Variants in TMEM131 observed in about 807,000 individuals in gnomAD.
TMEM131 encodes the protein 2610524E03Rik.
A neutral mutation model predicts 211.6 loss-of-function variants in TMEM131; 66 were observed. The ratio of observed to expected loss-of-function variants is 0.31; its 90% CI spans 0.26 to 0.38. The LOEUF (loss-of-function observed/expected upper bound fraction) is 0.38. Ranked by LOEUF, TMEM131 falls within the 10% of genes least tolerant of loss-of-function variation. TMEM131 has a pLI of 1.00. For missense variants in TMEM131, 2,036 were observed against 2,299.3 expected (o/e 0.89, Z 2.34); for synonymous variants, 844 against 841.3 (o/e 1.00, Z -0.06).
intron 2 of TMEM131, among the ~76,000 whole-genome samples, chr2:97,918,596 A>G (rs778172560): frequency 6.6e-6 from 1 of 152,148 alleles, no homozygotes; most frequent in Non-Finnish European, 1.5e-5. Context: ...CAATTTCATT[A>G]ACAACAACAA....
chr2:97,955,533 A>G (rs973753133), intron 1 of TMEM131, among the ~76,000 whole-genome samples: 2 of 152,236 alleles, frequency 1.3e-5, no homozygotes, highest in Admixed American at 6.5e-5. Context: ...GATCGTTTAC[A>G]TGGAAAATCC....
Position 97,923,314 on chromosome 2 carries a change from G to GTTTT in TMEM131, c.249+4111_249+4112insAAAA, listed in dbSNP as rs1460123182. Among the ~76,000 whole-genome samples the GTTTT allele has an allele frequency of 6.2e-3, 940 of 151,482 alleles. 14 individuals carry two copies. The highest frequency in any genetic ancestry group is 0.02 in the African/African-American group (819 of 41,314). On this transcript the variant is annotated intron_variant, in intron 2 of 40. Coordinates refer to ENST00000186436, the MANE Select transcript of TMEM131 (RefSeq NM_015348.2). ...AATAAATAAAAATAAAATAAAACAG[G>GTTTT]ACTTTAAGTTTTAAAAGACAAAATT...
Position 97,811,167 on chromosome 2 carries a change from C to G in TMEM131, c.1929G>C (p.Gly643=). ...RVKLTAKKLE[G]IHDGAIQITT... is the part of the protein sequence containing the mutation. Reference sequence around the variant, plus strand: ...TGATCTGGATGGCTCCATCATGAATCCCCTCTAATTTTTTTGCAGTAAGTT... The same window carrying G: ...TGATCTGGATGGCTCCATCATGAATGCCCTCTAATTTTTTTGCAGTAAGTT... The change falls in exon 18 of 41, where the codon GGG becomes GGC. Residue 643 remains glycine, a synonymous_variant. Transcript: ENST00000186436. 6.2e-7 allele frequency: 1 copy of G among 1,613,740 alleles called. No homozygotes were observed. The highest frequency in any genetic ancestry group is 8.5e-7 in the Non-Finnish European group (1 of 1,179,750).
chr2:97,855,699 C>CA (rs36041076), intron 5 of TMEM131, among the ~76,000 whole-genome samples: 2,110 of 121,032 alleles, frequency 0.017, 94 homozygotes, highest in Admixed American at 0.1. Flanking sequence ...GACCCTGTCT[C>CA]AAAAAAAAAA....
intron 12 of TMEM131, 150 bp downstream of exon 12, chr2:97,818,463 C>CGGG (rs1184208506): frequency 1.9e-4 from 55 of 283,798 alleles, no homozygotes; most frequent in Middle Eastern, 9.8e-4. Context: ...TGGTTTACAG[C>CGGG]GGGGGGGGGC....
In TMEM131 at chr2:97,844,385, G is replaced by A. The variant is rs1447997477; in HGVS notation, c.484-124C>T. ...TTTCCTTTAAAAGTTTAAGCTTTAA[G>A]TTAGCAGTGGAAAATAATTAAAAAG... On this transcript the variant is annotated intron_variant, in intron 5 of 40. Transcript: ENST00000186436. The A allele has an allele frequency of 1.3e-5, 5 of 376,626 alleles. No homozygotes were observed. The East Asian group carries it at 1.6e-4, about 12-fold the overall frequency. The allele number at this position is 376,626 out of a possible 1,614,324, so 23.3% of individuals were successfully genotyped here.
At chr2:97,970,693 CAGAGA>C (rs1477533989) in intron 1 of TMEM131, among the ~76,000 whole-genome samples, 1 of 152,136 alleles carries the variant, frequency 6.6e-6, no homozygotes, top group African/African-American at 2.4e-5. Flanking sequence ...GGATTGTGGC[CAGAGA>C]AGAGTAACCA....
At chr2:97,863,503 A>C (rs1674149250) in intron 4 of TMEM131, among the ~76,000 whole-genome samples, 1 of 152,246 alleles carries the variant, frequency 6.6e-6, no homozygotes, top group South Asian at 2.1e-4. Context: ...CCTATTTGAC[A>C]AGGGATTAAT....
chr2:97,892,227 T>C (rs1406187619), intron 3 of TMEM131, among the ~76,000 whole-genome samples: 8 of 152,224 alleles, frequency 5.3e-5, no homozygotes, highest in Admixed American at 5.2e-4. Flanking sequence ...GTCTGTCTTA[T>C]TATTCAGTTG....
chr2:97,978,664 C>A (rs568045542), intron 1 of TMEM131, among the ~76,000 whole-genome samples: 3 of 152,176 alleles, frequency 2.0e-5, no homozygotes, highest in African/African-American at 7.2e-5. Flanking sequence ...CATACCCAGC[C>A]CAAGCTTCAC....
At chr2:97,919,041 T>C (rs750010212) in intron 2 of TMEM131, among the ~76,000 whole-genome samples, 2 of 152,206 alleles carry the variant, frequency 1.3e-5, no homozygotes, top group Non-Finnish European at 2.9e-5. Context: ...CCTTTCCATG[T>C]GGCTTAAGTT....
At chr2:97,771,800 T>C (rs1306129908) in intron 33 of TMEM131, among the ~76,000 whole-genome samples, 2 of 152,258 alleles carry the variant, frequency 1.3e-5, no homozygotes, top group African/African-American at 4.8e-5. Flanking sequence ...ACTGGAGTTA[T>C]TTAATGGTAG....
Position 97,766,191 on chromosome 2 carries a change from T to G in TMEM131, c.4646A>C (p.Asn1549Thr), listed in dbSNP as rs922303924. 6 of 1,613,948 alleles carry G rather than the reference T, an allele frequency of 3.7e-6. No individual in the cohort carries two copies. The highest frequency in any genetic ancestry group is 1.6e-4 in the Middle Eastern group (1 of 6,084). Residue 1549 changes from asparagine to threonine, a missense_variant, in exon 35 of 41, where the codon AAC becomes ACC. By Grantham distance (65) the Asn-to-Thr change is moderately conservative. This residue lies in a region of TMEM131 where 1,623 missense variants were observed against 1,805.9 expected (regional missense o/e 0.90). Transcript: ENST00000186436. ...TTTTTCACCCTCTGAGCTACTGGTG[T>G]TGCCTAATTCTTGACTATTCGGGAG... ...KFLPNSQELG[N>T]TSSSEGEKDS...
intron 1 of TMEM131, among the ~76,000 whole-genome samples, chr2:97,991,931 TAGAA>T (rs1344335138): frequency 6.6e-6 from 1 of 152,150 alleles, no homozygotes; most frequent in Non-Finnish European, 1.5e-5. Flanking sequence ...CTGTAAGAAT[TAGAA>T]GGAGGAGGAA....
intron 4 of TMEM131, among the ~76,000 whole-genome samples, chr2:97,885,861 A>T (rs1458725835): frequency 6.6e-6 from 1 of 152,182 alleles, no homozygotes; most frequent in Non-Finnish European, 1.5e-5. Flanking sequence ...TTCATTAAGT[A>T]TGTTTTCTAA....
At chr2:97,934,638 G>GCA (rs1677366159) in intron 1 of TMEM131, among the ~76,000 whole-genome samples, 1 of 152,106 alleles carries the variant, frequency 6.6e-6, no homozygotes, top group Non-Finnish European at 1.5e-5. Context: ...AGTAACCAAG[G>GCA]CAGTGTGATA....
At chr2:97,936,112 T>C (rs555449900) in intron 1 of TMEM131, among the ~76,000 whole-genome samples, 5 of 152,296 alleles carry the variant, frequency 3.3e-5, no homozygotes, top group African/African-American at 1.2e-4. Context: ...CTCAGAGCTT[T>C]CCCACTGTGA....
rs1368387231 is a variant in TMEM131, at chr2:97,834,763, T to C, written c.955+12A>G. On this transcript the variant is annotated intron_variant, in intron 9 of 40. Transcript: ENST00000186436. Reference sequence around the variant, plus strand: ...ACAAAACAACTTTCGATTTCATCAGTTTTCCACTAACCTGTTGTAACTTCA... The same window carrying C: ...ACAAAACAACTTTCGATTTCATCAGCTTTCCACTAACCTGTTGTAACTTCA... 1.2e-6 allele frequency: 2 copies of C among 1,611,510 alleles called. No individual in the cohort carries two copies. The highest frequency in any genetic ancestry group is 2.7e-5 in the African/African-American group (2 of 74,792).
chr2:97,819,375 T>A (rs1682002106), intron 11 of TMEM131, among the ~76,000 whole-genome samples: 1 of 152,242 alleles, frequency 6.6e-6, no homozygotes, highest in East Asian at 1.9e-4. Context: ...GCATGCTTTT[T>A]AAAAATACAT....
Sources: allele counts gnomAD v4.1 joint callset (sites outside exome capture counted in the v4.1 genomes callset), GRCh38; gene constraint gnomAD v4.1.1; regional missense constraint gnomAD v4.1.1; transcripts MANE v1.5; gene names NCBI Gene and HGNC (gene_info 2026-07-23, HGNC 2026-07-21).